Variants in MBD5 observed in about 807,000 individuals in gnomAD.
MBD5 encodes methyl-CpG binding domain protein 5.
Under a neutral mutation model 117.3 loss-of-function variants are expected in MBD5, and 13 were observed. That is an observed-to-expected ratio of 0.11 (90% CI 0.07 to 0.18). The LOEUF is 0.18. MBD5 is among the 10% of genes least tolerant of loss of function. The pLI, the probability that MBD5 is intolerant of heterozygous loss-of-function variation, is 1.00. For synonymous variants in MBD5, 727 were observed against 766.4 expected, an observed-to-expected ratio of 0.95 and a Z score of 0.85; for missense variants, 1,879 against 2,093.8, an observed-to-expected ratio of 0.90 and a Z score of 2.00.
chr2:148,406,196 T>A (rs1180223563), intron 4 of MBD5, among the ~76,000 whole-genome samples: 1 of 152,136 alleles, frequency 6.6e-6, no homozygotes, highest in African/African-American at 2.4e-5. Flanking sequence ...CCTGTCTCAG[T>A]AAGAACAACA....
At chr2:148,159,422 C>T (rs556849463) in intron 1 of MBD5, among the ~76,000 whole-genome samples, 6 of 151,872 alleles carry the variant, frequency 4.0e-5, no homozygotes, top group Non-Finnish European at 8.8e-5. Flanking sequence ...CTCAAGGGAT[C>T]CTCCAGCCTC....
At chr2:148,329,633 A>C (rs1257100243) in intron 3 of MBD5, among the ~76,000 whole-genome samples, 1 of 152,172 alleles carries the variant, frequency 6.6e-6, no homozygotes, top group African/African-American at 2.4e-5. Context: ...AAAAATAGAG[A>C]TTTGAGGGAT....
chr2:148,391,489 T>G (rs1704571522), intron 4 of MBD5, among the ~76,000 whole-genome samples: 1 of 152,190 alleles, frequency 6.6e-6, no homozygotes, highest in South Asian at 2.1e-4. Context: ...TTATATTACT[T>G]AAATCTTTTT....
intron 4 of MBD5, among the ~76,000 whole-genome samples, chr2:148,345,566 C>T (rs144680086): frequency 0.037 from 1,757 of 47,400 alleles, 60 homozygotes; most frequent in Middle Eastern, 0.054. Flanking sequence ...TGTATATACA[C>T]GTATACACAT....
chr2:148,029,773 TATTA>T (rs755901462), intron 1 of MBD5, among the ~76,000 whole-genome samples: 9 of 152,168 alleles, frequency 5.9e-5, no homozygotes, highest in Non-Finnish European at 1.3e-4. Context: ...TTTTAGTTTT[TATTA>T]ATTTTAGACC....
At position 148,135,889 on chromosome 2, in the gene MBD5, A is replaced by C. The variant is rs538997392; in HGVS notation, c.-924-42811A>C. 2.7e-4 allele frequency among the ~76,000 whole-genome samples: 41 copies of C among 152,266 alleles called. No homozygotes were observed. In the East Asian group the frequency reaches 7.3e-3, roughly 27 times the overall value. ...TGGGCAGGCACTTAACTTTCAGCAA[A>C]GGCGAAGACCTCTCGGGGCCCTGTA... is the stretch of plus-strand genomic sequence containing the variant. On this transcript the variant is annotated intron_variant, in intron 1 of 13. Coordinates refer to ENST00000642680, the MANE Select transcript of MBD5 (RefSeq NM_001378120.1).
chr2:148,327,235 G>A (rs978386952), intron 3 of MBD5, among the ~76,000 whole-genome samples: 1 of 152,102 alleles, frequency 6.6e-6, no homozygotes, highest in East Asian at 1.9e-4. Context: ...TCCCTTTGAG[G>A]GTAGCCTGAC....
At chr2:148,503,130 T>C (rs946192606) in intron 12 of MBD5, 4 of 156,556 alleles carry the variant, frequency 2.6e-5, no homozygotes, top group Non-Finnish European at 5.6e-5. Context: ...TGTATGTTTA[T>C]GTATCATAAC....
rs528546043 is a variant in MBD5, at chr2:148,176,764, T to TGA, written c.-924-1923_-924-1922dup. ...TATTTCATGTCATTTTTAGTAGTTA[T>TGA]GAGAGAGAGAGAGACGATTCAAGAC... On this transcript the variant is annotated intron_variant, in intron 1 of 13. Coordinates refer to ENST00000642680, the MANE Select transcript of MBD5 (RefSeq NM_001378120.1). Among the ~76,000 whole-genome samples, 107 of 151,258 alleles carry TGA rather than the reference T, an allele frequency of 7.1e-4. 2 individuals are homozygous for TGA. The highest frequency in any genetic ancestry group is 6.1e-3 in the Admixed American group (93 of 15,158).
At chr2:148,384,674 A>G (rs1704283395) in intron 4 of MBD5, among the ~76,000 whole-genome samples, 1 of 152,060 alleles carries the variant, frequency 6.6e-6, no homozygotes, top group African/African-American at 2.4e-5. Context: ...AGCCAAAAGA[A>G]CAAAGCTGGA....
intron 3 of MBD5, among the ~76,000 whole-genome samples, chr2:148,274,307 G>T (rs1361398734): frequency 1.3e-5 from 2 of 152,100 alleles, no homozygotes; most frequent in East Asian, 3.9e-4. Context: ...GTATAGACGT[G>T]CCATGGTGGT....
intron 4 of MBD5, among the ~76,000 whole-genome samples, chr2:148,398,474 C>G (rs1195212874): frequency 6.6e-6 from 1 of 152,090 alleles, no homozygotes; most frequent in Non-Finnish European, 1.5e-5. Flanking sequence ...CTGTTCATAT[C>G]CTTAGCCCAC....
chr2:148,340,195 A>G (rs950298973), intron 3 of MBD5, among the ~76,000 whole-genome samples: 8 of 152,164 alleles, frequency 5.3e-5, no homozygotes, highest in Admixed American at 6.6e-5. Flanking sequence ...AGGCTTCCCA[A>G]TACCTTCATG....
At chr2:148,410,053 G>C (rs1705204337) in intron 4 of MBD5, among the ~76,000 whole-genome samples, 1 of 151,916 alleles carries the variant, frequency 6.6e-6, no homozygotes, top group Admixed American at 6.6e-5. Context: ...CTTCAGACCT[G>C]GTGAAGAAGA....
intron 1 of MBD5, among the ~76,000 whole-genome samples, chr2:148,114,460 A>G (rs572250723): frequency 3.3e-5 from 5 of 152,098 alleles, no homozygotes; most frequent in African/African-American, 1.2e-4. Context: ...ATAGAGTGAG[A>G]GTCCATCTCA....
At chr2:148,446,602 C>CTGTGTGTGTGTG (rs1185100489) in intron 4 of MBD5, among the ~76,000 whole-genome samples, 7,727 of 148,794 alleles carry the variant, frequency 0.052, 234 homozygotes, top group African/African-American at 0.081. Flanking sequence ...GATTATTTAT[C>CTGTGTGTGTGTG]TGTGTGTGTG....
intron 7 of MBD5, among the ~76,000 whole-genome samples, chr2:148,467,284 A>G (rs62184051): frequency 0.045 from 6,862 of 152,292 alleles, 241 homozygotes; most frequent in Non-Finnish European, 0.067. Context: ...AGCGAAACCT[A>G]GAATTCTGAT....
Position 148,218,400 on chromosome 2 carries a change from T to A in MBD5, c.-830-14845T>A, listed in dbSNP as rs74910088. Among the ~76,000 whole-genome samples, 410 of 152,350 alleles carry A rather than the reference T, an allele frequency of 2.7e-3. 3 individuals are homozygous for A. Among genetic ancestry groups the A allele is most frequent in the Non-Finnish European group, 4.9e-3 (331 of 68,034 alleles). ...TTCAAAGTTCTACTTAGGTAATGTC[T>A]GCTATTATTCAATTAGCTAAGAGAA... On this transcript the variant is annotated intron_variant, in intron 2 of 13. Transcript: ENST00000642680.
chr2:148,102,768 A>G (rs1444572373), intron 1 of MBD5, among the ~76,000 whole-genome samples: 8 of 149,226 alleles, frequency 5.4e-5, no homozygotes, highest in Admixed American at 1.3e-4. Context: ...AGAGGAAGAG[A>G]GAGAGAGAGA....
Sources: allele counts gnomAD v4.1 joint callset (sites outside exome capture counted in the v4.1 genomes callset), GRCh38; gene constraint gnomAD v4.1.1; transcripts MANE v1.5; gene names NCBI Gene and HGNC (gene_info 2026-07-23, HGNC 2026-07-21).